Variants in SYN3 observed in about 807,000 individuals in gnomAD.
The protein encoded by SYN3 is synapsin-3.
SYN3 carries 35 observed loss-of-function variants against 65.8 expected under a neutral mutation model. The observed-to-expected ratio is 0.53, with a 90% confidence interval of 0.41 to 0.70. The LOEUF is 0.70. Among genes scored for constraint, SYN3 ranks in the 30% least tolerant of loss-of-function variants. The pLI, the probability that SYN3 is intolerant of heterozygous loss-of-function variation, is 0.00. For missense variants in SYN3, 680 were observed against 749.0 expected, an observed-to-expected ratio of 0.91 and a Z score of 1.08; for synonymous variants, 270 against 292.9, an observed-to-expected ratio of 0.92 and a Z score of 0.80.
At chr22:32,653,916 G>C (rs531100333) in intron 6 of SYN3, among the ~76,000 whole-genome samples, 1 of 152,266 alleles carries the variant, frequency 6.6e-6, no homozygotes, top group East Asian at 1.9e-4. Context: ...CTGAACTCTG[G>C]CTGACAGAAC....
intron 6 of SYN3, among the ~76,000 whole-genome samples, chr22:32,698,819 A>G (rs978850779): frequency 1.3e-5 from 2 of 152,176 alleles, no homozygotes; most frequent in African/African-American, 2.4e-5. Context: ...AGTAAATACT[A>G]TTTATCTTCT....
intron 6 of SYN3, among the ~76,000 whole-genome samples, chr22:32,612,667 C>A (rs553772846): frequency 6.6e-6 from 1 of 152,134 alleles, no homozygotes; most frequent in Non-Finnish European, 1.5e-5. Flanking sequence ...CATAGTAAGA[C>A]CTTGTCTCTA....
At chr22:32,682,484 G>A (rs2060537200) in intron 6 of SYN3, among the ~76,000 whole-genome samples, 2 of 152,276 alleles carry the variant, frequency 1.3e-5, no homozygotes, top group South Asian at 4.1e-4. Context: ...CCAGGAATTA[G>A]ATGTAGGACG....
intron 6 of SYN3, among the ~76,000 whole-genome samples, chr22:32,636,580 G>T (rs2059820525): frequency 2.0e-5 from 3 of 152,150 alleles, no homozygotes; most frequent in Admixed American, 2.0e-4. Context: ...AATCAGTGAG[G>T]CTCAGTAATG....
chr22:33,013,795 C>G (rs1431427565), intron 1 of SYN3, among the ~76,000 whole-genome samples: 1 of 152,138 alleles, frequency 6.6e-6, no homozygotes, highest in East Asian at 1.9e-4. Context: ...GTTTTAGATG[C>G]CACTTACAAG....
At chr22:32,889,011 G>A (rs995294794) in intron 4 of SYN3, among the ~76,000 whole-genome samples, 2 of 152,210 alleles carry the variant, frequency 1.3e-5, no homozygotes, top group African/African-American at 4.8e-5. Flanking sequence ...AAAGTAGGGT[G>A]AGTGCTGAGG....
chr22:32,936,262 A>G (rs2050773246), intron 3 of SYN3, among the ~76,000 whole-genome samples: 1 of 152,194 alleles, frequency 6.6e-6, no homozygotes, highest in Non-Finnish European at 1.5e-5. Context: ...GGAACTAGAC[A>G]ACAGGCATTT....
intron 6 of SYN3, among the ~76,000 whole-genome samples, chr22:32,743,561 G>A (rs958216794): frequency 6.6e-6 from 1 of 152,138 alleles, no homozygotes; most frequent in Non-Finnish European, 1.5e-5. Context: ...CTTGGGAAGA[G>A]GTAAGTCTTG....
intron 2 of SYN3, among the ~76,000 whole-genome samples, chr22:32,983,639 G>T (rs181089974): frequency 9.7e-4 from 148 of 152,062 alleles, no homozygotes; most frequent in Non-Finnish European, 1.9e-3. Context: ...TTCAGCAATG[G>T]TCTTCAAATA....
intron 6 of SYN3, among the ~76,000 whole-genome samples, chr22:32,696,052 T>C (rs1203375299): frequency 6.6e-6 from 1 of 152,192 alleles, no homozygotes; most frequent in African/African-American, 2.4e-5. Context: ...ATTGCAATGG[T>C]TTAACATGTT....
At position 32,820,269 on chromosome 22, in the gene SYN3, C is replaced by CGTGT. The variant is rs374591413; in HGVS notation, c.711+44642_711+44645dup. On this transcript the variant is annotated intron_variant, in intron 6 of 13. Transcript: ENST00000358763. ...GTGTGTGTGTGTGTGTGTGCGTGCG[C>CGTGT]GTGTGTGTGTGTGTGTGTGGTGTGT... 2.1e-3 allele frequency among the ~76,000 whole-genome samples: 305 copies of CGTGT among 145,004 alleles called. 2 individuals carry two copies. The highest frequency in any genetic ancestry group is 0.011 in the South Asian group (50 of 4,536).
chr22:33,027,845 CTTCAT>C (rs1205205381), intron 1 of SYN3, among the ~76,000 whole-genome samples: 1 of 152,222 alleles, frequency 6.6e-6, no homozygotes, highest in Non-Finnish European at 1.5e-5. Context: ...AGTTCAACAA[CTTCAT>C]TTCATCAGTG....
At chr22:32,888,234 T>A (rs137509) in intron 4 of SYN3, among the ~76,000 whole-genome samples, 4 of 152,108 alleles carry the variant, frequency 2.6e-5, no homozygotes, top group African/African-American at 9.7e-5. Flanking sequence ...AAATAAGATA[T>A]AACTATTATT....
At chr22:33,049,775 C>G (rs1230920477) in intron 1 of SYN3, among the ~76,000 whole-genome samples, 1 of 152,162 alleles carries the variant, frequency 6.6e-6, no homozygotes, top group African/African-American at 2.4e-5. Flanking sequence ...GGTCTCAGCC[C>G]ATCCATTGGG....
At chr22:32,768,290 C>A (rs539163025) in intron 6 of SYN3, among the ~76,000 whole-genome samples, 3 of 152,348 alleles carry the variant, frequency 2.0e-5, no homozygotes, top group South Asian at 2.1e-4. Flanking sequence ...TCAACTGTCT[C>A]ATTTCTAGGC....
chr22:32,830,823 G>A (rs978573933), intron 6 of SYN3, among the ~76,000 whole-genome samples: 2 of 152,144 alleles, frequency 1.3e-5, no homozygotes, highest in African/African-American at 4.8e-5. Flanking sequence ...AGTGGATTCC[G>A]CAAGGTGTTT....
intron 1 of SYN3, among the ~76,000 whole-genome samples, chr22:33,034,954 CTG>C (rs1207945059): frequency 3.9e-5 from 6 of 152,130 alleles, no homozygotes; most frequent in African/African-American, 1.2e-4. Context: ...GGGCAGGACT[CTG>C]TGGCAGCCAC....
intron 6 of SYN3, among the ~76,000 whole-genome samples, chr22:32,611,521 T>C (rs532894191): frequency 6.6e-6 from 1 of 152,144 alleles, no homozygotes; most frequent in African/African-American, 2.4e-5. Flanking sequence ...CTCGAACTCC[T>C]GACCTCGTGA....
intron 7 of SYN3, among the ~76,000 whole-genome samples, chr22:32,548,747 A>G (rs2058369822): frequency 6.6e-6 from 1 of 152,242 alleles, no homozygotes; most frequent in South Asian, 2.1e-4. Context: ...AACATACAAC[A>G]TGAGACGTAA....
Sources: gnomAD v4.1 joint callset for allele counts (sites outside exome capture counted in the v4.1 genomes callset) on GRCh38, gnomAD v4.1.1 for gene constraint, MANE v1.5 for transcripts, NCBI Gene and HGNC (gene_info 2026-07-23, HGNC 2026-07-21) for gene names.